RMDN2: variants seen among roughly 807,000 people sequenced by gnomAD.
RMDN2 encodes regulator of microtubule dynamics 2, also known as regulator of microtubule dynamics protein 2.
In RMDN2, 61 loss-of-function variants were observed where a neutral mutation model predicts 52.8. The ratio of observed to expected loss-of-function variants is 1.16; its 90% confidence interval spans 0.94 to 1.43. The LOEUF is 1.43. RMDN2 is among the 40% of genes most tolerant of loss of function. The pLI, the probability that RMDN2 is intolerant of heterozygous loss-of-function variation, is 0.00. For missense variants in RMDN2, 592 were observed against 475.3 expected, an observed-to-expected ratio of 1.25 and a Z score of -2.28; for synonymous variants, 180 against 153.1, an observed-to-expected ratio of 1.18 and a Z score of -1.30.
At chr2:37,943,948 C>A (rs1668008952) in intron 2 of RMDN2, among the ~76,000 whole-genome samples, 1 of 152,116 alleles carries the variant, frequency 6.6e-6, no homozygotes, top group African/African-American at 2.4e-5. Flanking sequence ...GTCATATGGT[C>A]ATGCCAACAG....
At chr2:38,043,924 T>C (rs58339065) in intron 10 of RMDN2, among the ~76,000 whole-genome samples, 45,351 of 151,930 alleles carry the variant, frequency 0.3, 9,784 homozygotes, top group East Asian at 0.79. Context: ...AAATGCCTTA[T>C]TTTACCTTCA....
intron 2 of RMDN2, chr2:37,949,996 A>G (rs937327227): frequency 1.2e-5 from 2 of 171,566 alleles, no homozygotes; most frequent in South Asian, 1.5e-4. Flanking sequence ...TTTACTGCCA[A>G]GGTGAACGAT....
At chr2:37,951,893 T>G (rs1310306381) in intron 2 of RMDN2, 9 of 1,613,188 alleles carry the variant, frequency 5.6e-6, no homozygotes, top group Non-Finnish European at 7.6e-6. Context: ...CCTCTCCCGA[T>G]CAACAAAATG....
Position 37,974,034 on chromosome 2 carries a change from T to A in RMDN2, c.453-6T>A, listed in dbSNP as rs1672139558. ...AAGGAGTTGATGATTATTTCTGCGA[T>A]TTTAGGTATATTACAGCTAATACTG... On this transcript the variant is annotated splice_polypyrimidine_tract_variant and splice_region_variant and intron_variant, in intron 2 of 10. Coordinates refer to ENST00000354545, the MANE Select transcript of RMDN2 (RefSeq NM_001170791.3). 1.3e-6 allele frequency: 2 copies of A among 1,599,512 alleles called. No individual in the cohort carries two copies. Among genetic ancestry groups the A allele is most frequent in the Admixed American group, 3.5e-5 (2 of 57,496 alleles).
At chr2:37,926,883 C>T (rs1666324736) in intron 1 of RMDN2, among the ~76,000 whole-genome samples, 1 of 151,780 alleles carries the variant, frequency 6.6e-6, no homozygotes, top group Admixed American at 6.6e-5. Flanking sequence ...CTACAGTGAG[C>T]AGTGATTGTA....
intron 5 of RMDN2, among the ~76,000 whole-genome samples, chr2:37,982,837 A>G (rs1433862671): frequency 6.6e-6 from 1 of 152,202 alleles, no homozygotes; most frequent in Admixed American, 6.5e-5. Flanking sequence ...TAACACTAGT[A>G]AATTAACATA....
chr2:37,956,574 C>G (rs985837945), intron 2 of RMDN2, among the ~76,000 whole-genome samples: 1 of 151,816 alleles, frequency 6.6e-6, no homozygotes, highest in African/African-American at 2.4e-5. Flanking sequence ...CTTCTGCTAG[C>G]TTTGGGGTTA....
At chr2:37,977,572 G>A (rs1306016723) in intron 4 of RMDN2, among the ~76,000 whole-genome samples, 1 of 151,804 alleles carries the variant, frequency 6.6e-6, no homozygotes, top group Non-Finnish European at 1.5e-5. Flanking sequence ...AGATGGGGCG[G>A]CTGCTGGGCG....
upstream of RMDN2, among the ~76,000 whole-genome samples, chr2:37,924,358 G>T (rs190957863): frequency 6.6e-6 from 1 of 152,326 alleles, no homozygotes; most frequent in African/African-American, 2.4e-5. Flanking sequence ...GGACAATACA[G>T]AAGCAGTGTA....
chr2:37,996,642 C>A (rs536060419), intron 7 of RMDN2, among the ~76,000 whole-genome samples: 5 of 148,524 alleles, frequency 3.4e-5, no homozygotes, highest in Admixed American at 1.3e-4. Context: ...ACCAAGGAAT[C>A]TAGGTGATGG....
At chr2:37,982,468 G>A (rs976843582) in intron 5 of RMDN2, among the ~76,000 whole-genome samples, 3 of 152,156 alleles carry the variant, frequency 2.0e-5, no homozygotes, top group African/African-American at 4.8e-5. Context: ...AGAGTGGAAG[G>A]CAGAACCCAC....
At chr2:38,003,545 C>T (rs569661415) in intron 8 of RMDN2, among the ~76,000 whole-genome samples, 5 of 84,868 alleles carry the variant, frequency 5.9e-5, no homozygotes, top group East Asian at 8.1e-4. Flanking sequence ...AAAGCAAGAC[C>T]TGATAGATAG....
At chr2:37,954,757 A>G (rs1278693390) in intron 2 of RMDN2, among the ~76,000 whole-genome samples, 4 of 152,118 alleles carry the variant, frequency 2.6e-5, no homozygotes, top group Non-Finnish European at 5.9e-5. Flanking sequence ...TGGGATTTTC[A>G]GAGGGATTGC....
At chr2:37,971,962 G>T (rs991835984) in intron 2 of RMDN2, among the ~76,000 whole-genome samples, 2 of 151,880 alleles carry the variant, frequency 1.3e-5, no homozygotes, top group Non-Finnish European at 2.9e-5. Context: ...TATGATATTG[G>T]GTCTTCTAAA....
intron 10 of RMDN2, among the ~76,000 whole-genome samples, chr2:38,045,311 A>G (rs11885386): frequency 0.15 from 23,373 of 152,216 alleles, 3,415 homozygotes; most frequent in African/African-American, 0.38. Flanking sequence ...TTGCATTTCT[A>G]TGACTATCAG....
At chr2:38,064,306 A>G (rs182522178) in intron 10 of RMDN2, among the ~76,000 whole-genome samples, 2 of 152,208 alleles carry the variant, frequency 1.3e-5, no homozygotes, top group Non-Finnish European at 1.5e-5. Flanking sequence ...CCTAACCAAC[A>G]TGGTGAAACC....
chr2:38,059,951 G>A (rs1053862775), intron 10 of RMDN2, among the ~76,000 whole-genome samples: 3 of 152,054 alleles, frequency 2.0e-5, no homozygotes, highest in African/African-American at 7.2e-5. Flanking sequence ...AGGCTGGAGT[G>A]CAGTGACTCG....
At chr2:38,018,070 C>G (rs959087028), downstream of RMDN2, among the ~76,000 whole-genome samples, 17 of 152,124 alleles carry the variant, frequency 1.1e-4, no homozygotes, top group Non-Finnish European at 1.5e-4. Flanking sequence ...GGTGGAATGT[C>G]ATCAGTTAAG....
At chr2:37,925,834 TTGTG>T (rs1293837331) in intron 1 of RMDN2, among the ~76,000 whole-genome samples, 2 of 152,250 alleles carry the variant, frequency 1.3e-5, no homozygotes, top group Non-Finnish European at 2.9e-5. Context: ...TTGTTTTTGT[TTGTG>T]TGGGGTTTTT....
Sources: allele counts gnomAD v4.1 joint callset (sites outside exome capture counted in the v4.1 genomes callset), GRCh38; gene constraint gnomAD v4.1.1; transcripts MANE v1.5; gene names NCBI Gene and HGNC (gene_info 2026-07-23, HGNC 2026-07-21).